The following NBAS variants were observed in gnomAD, a reference collection of about 807,000 sequenced individuals.
NBAS encodes NBAS subunit of NRZ tethering complex.
NBAS carries 219 observed loss-of-function variants against 302.5 expected under a neutral mutation model. The observed-to-expected ratio is 0.72, with a 90% CI of 0.65 to 0.81. The LOEUF is 0.81. NBAS is among the 30% of genes least tolerant of loss of function. The pLI, the probability that NBAS is intolerant of heterozygous loss-of-function variation, is 0.00. For missense variants in NBAS, 2,932 were observed against 2,841.6 expected (o/e 1.03, Z -0.72); for synonymous variants, 1,118 against 1,021.6 (o/e 1.09, Z -1.80).
intron 48 of NBAS, among the ~76,000 whole-genome samples, chr2:15,193,513 T>C (rs1164820762): frequency 2.0e-5 from 3 of 152,182 alleles, no homozygotes; most frequent in Non-Finnish European, 2.9e-5. Context: ...AGTGCTCATC[T>C]AAGATTGTGC....
At chr2:15,503,397 C>A (rs942434106) in intron 11 of NBAS, among the ~76,000 whole-genome samples, 6 of 152,170 alleles carry the variant, frequency 3.9e-5, no homozygotes, top group African/African-American at 1.4e-4. Flanking sequence ...GAAGGCCTGA[C>A]TTTTCATATC....
chr2:15,382,546 T>C (rs1675090940), intron 29 of NBAS, among the ~76,000 whole-genome samples: 1 of 152,150 alleles, frequency 6.6e-6, no homozygotes, highest in South Asian at 2.1e-4. Context: ...GAGGAATATA[T>C]TCCAGGCCAA....
chr2:15,441,674 A>C (rs1253782671), intron 21 of NBAS, among the ~76,000 whole-genome samples: 1 of 150,744 alleles, frequency 6.6e-6, no homozygotes. Flanking sequence ...TTTAAATGTA[A>C]ATGGACTAAA....
the NBAS span, among the ~76,000 whole-genome samples, chr2:14,783,268 T>A: frequency 6.6e-6 from 1 of 152,132 alleles, no homozygotes; most frequent in African/African-American, 2.4e-5. Context: ...CTATTCAGCC[T>A]AGTCAGATTG....
chr2:14,858,045 A>G, the NBAS span, among the ~76,000 whole-genome samples: 1 of 152,182 alleles, frequency 6.6e-6, no homozygotes, highest in Non-Finnish European at 1.5e-5. Context: ...AAAAGAAGAC[A>G]TAAAAATGGT....
At chr2:14,999,583 T>C in the NBAS span, among the ~76,000 whole-genome samples, 90 of 152,252 alleles carry the variant, frequency 5.9e-4, no homozygotes, top group Middle Eastern at 3.4e-3. Context: ...TGCTCCACCA[T>C]GGGAAGACAT....
the NBAS span, among the ~76,000 whole-genome samples, chr2:15,087,743 G>A: frequency 1.3e-5 from 2 of 152,208 alleles, no homozygotes; most frequent in Non-Finnish European, 2.9e-5. Context: ...GAGAGAAGCT[G>A]TGCCATTTGA....
At chr2:14,893,638 G>A in the NBAS span, among the ~76,000 whole-genome samples, 5 of 152,114 alleles carry the variant, frequency 3.3e-5, no homozygotes, top group East Asian at 1.9e-4. Flanking sequence ...GTATCACCTC[G>A]GTTCTCTTGC....
At position 15,499,378 on chromosome 2, in the gene NBAS, G is replaced by A. The variant is rs115999976; in HGVS notation, c.954+4767C>T. Reference sequence around the variant, plus strand: ...TAAACCTAAATGCCCATCAGTGATAGACTGAATAAAGAAAATGTGTTACAT... The same window carrying A: ...TAAACCTAAATGCCCATCAGTGATAAACTGAATAAAGAAAATGTGTTACAT... On this transcript the variant is annotated intron_variant, in intron 11 of 51. Coordinates refer to ENST00000281513, the MANE Select transcript of NBAS (RefSeq NM_015909.4). Among the ~76,000 whole-genome samples, 918 of 152,280 alleles carry A rather than the reference G, an allele frequency of 6.0e-3. 3 individuals are homozygous for A. The highest frequency in any genetic ancestry group is 8.9e-3 in the Non-Finnish European group (604 of 68,016).
intron 31 of NBAS, among the ~76,000 whole-genome samples, chr2:15,373,764 G>T (rs1480610868): frequency 6.6e-6 from 1 of 152,116 alleles, no homozygotes. Flanking sequence ...ACAGGACAAA[G>T]ACACCAAGGA....
chr2:15,277,240 A>T, intron 42 of NBAS, 139 bp from the exon 43 acceptor site: 1 of 1,052,870 alleles, frequency 9.5e-7, no homozygotes, highest in Non-Finnish European at 1.4e-6. Flanking sequence ...CACCACCAGA[A>T]GCCAGTCAGC....
Position 15,366,688 on chromosome 2 carries a change from A to G in NBAS, c.3709T>C (p.Leu1237=). The G allele has an allele frequency of 1.2e-6, 2 of 1,613,812 alleles. No homozygotes were observed. Among genetic ancestry groups the G allele is most frequent in the Non-Finnish European group, 1.7e-6 (2 of 1,179,722 alleles). Residue 1237 remains leucine (L), a synonymous_variant, in exon 32 of 52, where the codon TTG becomes CTG. Transcript: ENST00000281513. ...ATGAGACTGATCCGATCAGGGCACA[A>G]TCGCACTACAAAAGAAAGACGTATT... ...GVKILPLQVR[L]CPDRISLIKE...
chr2:14,938,714 A>C, the NBAS span, among the ~76,000 whole-genome samples: 5 of 152,222 alleles, frequency 3.3e-5, no homozygotes, highest in African/African-American at 1.2e-4. Context: ...TAACATTTTC[A>C]TACAACTATA....
chr2:15,134,056 T>TTCTCTC, the NBAS span, among the ~76,000 whole-genome samples: 16,600 of 145,534 alleles, frequency 0.11, 1,070 homozygotes, highest in Non-Finnish European at 0.15. Context: ...GAACATTTCT[T>TTCTCTC]TCTCTCTCTC....
At chr2:15,321,831 C>A (rs774946821) in intron 38 of NBAS, among the ~76,000 whole-genome samples, 1 of 152,106 alleles carries the variant, frequency 6.6e-6, no homozygotes, top group Non-Finnish European at 1.5e-5. Context: ...GACAGTGTGG[C>A]GGATTCCTCA....
the NBAS span, among the ~76,000 whole-genome samples, chr2:14,935,240 G>A: frequency 7.2e-5 from 11 of 152,048 alleles, no homozygotes; most frequent in Non-Finnish European, 1.0e-4. Flanking sequence ...GTTTACATGC[G>A]GGACCTTATC....
chr2:15,169,553 C>CA (rs1398066154), intron 51 of NBAS, among the ~76,000 whole-genome samples: 1 of 152,210 alleles, frequency 6.6e-6, no homozygotes, highest in Non-Finnish European at 1.5e-5. Flanking sequence ...AGACAGTTCT[C>CA]ACCTCCTCTG....
the NBAS span, among the ~76,000 whole-genome samples, chr2:15,034,254 AAG>A: frequency 1.0e-5 from 1 of 96,052 alleles, no homozygotes; most frequent in African/African-American, 4.4e-5. Flanking sequence ...GAAAGAAAGA[AAG>A]AAAGAAAGAA....
intron 44 of NBAS, among the ~76,000 whole-genome samples, chr2:15,241,342 G>C (rs1019719381): frequency 1.3e-5 from 2 of 152,150 alleles, no homozygotes; most frequent in Admixed American, 1.3e-4. Context: ...ATAGGGATAG[G>C]CAGCTAATTC....
Sources: gnomAD v4.1 joint callset for allele counts (sites outside exome capture counted in the v4.1 genomes callset) on GRCh38, gnomAD v4.1.1 for gene constraint, MANE v1.5 for transcripts, NCBI Gene and HGNC (gene_info 2026-07-23, HGNC 2026-07-21) for gene names.